RP1: variants seen among roughly 807,000 people sequenced by gnomAD.
RP1 encodes the protein oxygen-regulated protein 1.
In RP1, 16 loss-of-function variants were observed where a neutral mutation model predicts 14.8. The observed-to-expected ratio is 1.08, with a 90% CI of 0.73 to 1.65. The LOEUF is 1.65. Ranked by LOEUF, RP1 falls within the 40% of genes most tolerant of loss-of-function variation. The probability of loss-of-function intolerance (pLI) is 0.00; values close to 1 mark genes in which losing one functional copy is unlikely to be tolerated. For missense variants in RP1, 2,631 were observed against 2,535.0 expected, an observed-to-expected ratio of 1.04 and a Z score of -0.81; for synonymous variants, 876 against 883.6, an observed-to-expected ratio of 0.99 and a Z score of 0.15.
intron 8 of RP1, among the ~76,000 whole-genome samples, chr8:54,677,238 G>A (rs1387472835): frequency 2.0e-5 from 3 of 151,900 alleles, no homozygotes; most frequent in Non-Finnish European, 4.4e-5. Flanking sequence ...TGCCTGTGCT[G>A]AGTCTACTGA....
intron 14 of RP1, among the ~76,000 whole-genome samples, chr8:54,701,963 G>A (rs1808032328): frequency 6.6e-6 from 1 of 152,126 alleles, no homozygotes; most frequent in Admixed American, 6.5e-5. Context: ...AGTCAAATGT[G>A]TATATTGAAC....
chr8:54,755,667 A>G, exon 21 of RP1: 1 of 1,536,058 alleles, frequency 6.5e-7, no homozygotes, highest in Non-Finnish European at 8.7e-7. Context: ...AAGCATGCAG[A>G]GACGGAGTCT....
chr8:54,754,051 T>A (rs1331632720), intron 19 of RP1, among the ~76,000 whole-genome samples: 1 of 152,102 alleles, frequency 6.6e-6, no homozygotes, highest in African/African-American at 2.4e-5. Context: ...TCTCTGCTAG[T>A]CTGTTGGCAT....
At chr8:54,589,058 C>G (rs1804990442) in intron 1 of RP1, among the ~76,000 whole-genome samples, 1 of 152,212 alleles carries the variant, frequency 6.6e-6, no homozygotes, top group African/African-American at 2.4e-5. Flanking sequence ...ACTCCTTTCA[C>G]TCTACCATAC....
chr8:54,719,718 G>A (rs959881926), intron 15 of RP1, among the ~76,000 whole-genome samples: 1 of 152,192 alleles, frequency 6.6e-6, no homozygotes, highest in Admixed American at 6.5e-5. Context: ...CAGAAAATTG[G>A]TTTACATTTA....
Position 54,787,287 on chromosome 8 carries a change from G to A in RP1, c.3615+3577G>A, listed in dbSNP as rs185401858. 1.5e-4 allele frequency among the ~76,000 whole-genome samples: 23 copies of A among 152,222 alleles called. No homozygotes were observed. The East Asian group carries it at 3.7e-3, about 24-fold the overall frequency. On this transcript the variant is annotated intron_variant, in intron 24 of 28. Coordinates refer to the RP1 transcript ENST00000637698. Reference sequence around the variant, plus strand: ...TACGGCAGAAAGTTGGAGAGAGTAGGCAGAGAGGAGTTTCTAGAGAACAGG... The same window carrying A: ...TACGGCAGAAAGTTGGAGAGAGTAGACAGAGAGGAGTTTCTAGAGAACAGG...
intron 4 of RP1, among the ~76,000 whole-genome samples, chr8:54,651,020 T>A (rs1585581589): frequency 6.6e-6 from 1 of 151,998 alleles, no homozygotes; most frequent in African/African-American, 2.4e-5. Flanking sequence ...TGTGCATGTG[T>A]GTGTGTGTGT....
intron 27 of RP1, among the ~76,000 whole-genome samples, chr8:54,864,223 G>A (rs1056383191): frequency 1.3e-5 from 2 of 152,032 alleles, no homozygotes; most frequent in African/African-American, 2.4e-5. Context: ...AAGGACGAAG[G>A]TGTCGATAAA....
At chr8:54,827,742 A>T (rs1319460889) in intron 24 of RP1, among the ~76,000 whole-genome samples, 1 of 152,152 alleles carries the variant, frequency 6.6e-6, no homozygotes, top group East Asian at 1.9e-4. Context: ...TACTAAAAAT[A>T]CAAAAATTAG....
At chr8:54,651,197 C>A (rs769664128) in intron 4 of RP1, among the ~76,000 whole-genome samples, 3 of 152,032 alleles carry the variant, frequency 2.0e-5, no homozygotes, top group Non-Finnish European at 2.9e-5. Flanking sequence ...GATTCATTAG[C>A]TAGTTTTGTT....
chr8:54,640,994 G>A (rs1325254335), intron 3 of RP1, among the ~76,000 whole-genome samples: 1 of 138,160 alleles, frequency 7.2e-6, no homozygotes, highest in Non-Finnish European at 1.5e-5. Context: ...GAGTCTTGCC[G>A]TGTTGCCCAG....
At chr8:54,778,619 A>G (rs1382258672) in intron 23 of RP1, among the ~76,000 whole-genome samples, 6 of 152,238 alleles carry the variant, frequency 3.9e-5, no homozygotes, top group East Asian at 3.9e-4. Context: ...CACAATGCCC[A>G]GCCATGTTAA....
chr8:54,789,874 G>A (rs891754653), intron 24 of RP1, among the ~76,000 whole-genome samples: 1 of 152,174 alleles, frequency 6.6e-6, no homozygotes, highest in Non-Finnish European at 1.5e-5. Flanking sequence ...GTGAGACACA[G>A]CCTTGACCCT....
At chr8:54,619,058 C>T (rs1805795343) in intron 1 of RP1, among the ~76,000 whole-genome samples, 1 of 152,198 alleles carries the variant, frequency 6.6e-6, no homozygotes, top group African/African-American at 2.4e-5. Flanking sequence ...CACAGTTGAC[C>T]AGATGAGGAT....
At chr8:54,621,649 G>A (rs1805882060) in intron 2 of RP1, 68 bp downstream of exon 2, 2 of 1,607,418 alleles carry the variant, frequency 1.2e-6, no homozygotes, top group Non-Finnish European at 1.7e-6. Flanking sequence ...ATTCGTGTGG[G>A]ATATGAATGG....
At chr8:54,733,559 TGTC>T (rs1808842831) in intron 17 of RP1, among the ~76,000 whole-genome samples, 2 of 152,190 alleles carry the variant, frequency 1.3e-5, no homozygotes, top group Admixed American at 1.3e-4. Context: ...TTTCTAGACT[TGTC>T]ATCATTGTTG....
intron 26 of RP1, among the ~76,000 whole-genome samples, chr8:54,854,772 G>C (rs998711028): frequency 2.0e-5 from 3 of 152,164 alleles, no homozygotes; most frequent in Admixed American, 2.0e-4. Context: ...GGCTGAGGCA[G>C]GAGAATCACC....
intron 24 of RP1, among the ~76,000 whole-genome samples, chr8:54,792,011 A>G (rs1810476288): frequency 1.3e-5 from 2 of 152,024 alleles, no homozygotes; most frequent in African/African-American, 4.8e-5. Context: ...TAGGGATGGA[A>G]AACACTTTCC....
At chr8:54,594,545 A>G (rs991560822) in intron 1 of RP1, among the ~76,000 whole-genome samples, 2 of 152,252 alleles carry the variant, frequency 1.3e-5, no homozygotes, top group Non-Finnish European at 2.9e-5. Flanking sequence ...GTTTGATGAA[A>G]GTAATTTAAA....
Sources: gnomAD v4.1 joint callset for allele counts (sites outside exome capture counted in the v4.1 genomes callset) on GRCh38, gnomAD v4.1.1 for gene constraint, MANE v1.5 for transcripts, NCBI Gene and HGNC (gene_info 2026-07-23, HGNC 2026-07-21) for gene names.